Variants in ARB2A observed in about 807,000 individuals in gnomAD.
ARB2A encodes cotranscriptional regulator ARB2A.
chr5:93,957,904 C>CAA, the ARB2A span, among the ~76,000 whole-genome samples: 1 of 151,570 alleles, frequency 6.6e-6, no homozygotes, highest in Non-Finnish European at 1.5e-5. Context: ...TTACTTTTTA[C>CAA]AAAAGTCTTT....
the ARB2A span, among the ~76,000 whole-genome samples, chr5:94,068,889 G>A: frequency 6.8e-6 from 1 of 146,312 alleles, no homozygotes; most frequent in Admixed American, 6.8e-5. Context: ...AAAAAAAGGA[G>A]CCAGGTGTGG....
chr5:93,909,998 T>C, the ARB2A span, among the ~76,000 whole-genome samples: 1 of 150,940 alleles, frequency 6.6e-6, no homozygotes, highest in Non-Finnish European at 1.5e-5. Context: ...AAATCTAACT[T>C]CCTTACTTTT....
chr5:93,786,695 C>A, the ARB2A span, among the ~76,000 whole-genome samples: 3 of 152,124 alleles, frequency 2.0e-5, no homozygotes. Context: ...TTTAGTAGTC[C>A]TGGAACTACT....
At chr5:93,957,004 A>G in the ARB2A span, among the ~76,000 whole-genome samples, 1 of 152,168 alleles carries the variant, frequency 6.6e-6, no homozygotes, top group Admixed American at 6.5e-5. Context: ...CTTCTTTTCA[A>G]GGAATCATGA....
chr5:94,032,974 C>T, the ARB2A span, among the ~76,000 whole-genome samples: 1 of 152,040 alleles, frequency 6.6e-6, no homozygotes, highest in Non-Finnish European at 1.5e-5. Context: ...GGGGGTGGTT[C>T]CCTCCATGCT....
the ARB2A span, among the ~76,000 whole-genome samples, chr5:94,032,433 T>C: frequency 6.6e-6 from 1 of 152,100 alleles, no homozygotes; most frequent in Non-Finnish European, 1.5e-5. Flanking sequence ...CAGCTTACTA[T>C]TGCAAAATAG....
chr5:94,045,249 AGCAGCCCTCAGGGCTGCT>A, the ARB2A span, among the ~76,000 whole-genome samples: 4 of 152,110 alleles, frequency 2.6e-5, no homozygotes, highest in South Asian at 8.3e-4. Flanking sequence ...ATGGGCAACC[AGCAGCCCTCAGGGCTGCT>A]GTGTTTATGG....
the ARB2A span, among the ~76,000 whole-genome samples, chr5:94,013,806 T>A: frequency 6.6e-6 from 1 of 152,046 alleles, no homozygotes; most frequent in Admixed American, 6.5e-5. Context: ...ACCAGCAGTA[T>A]CCCAGAACTC....
At chr5:94,103,257 AC>A in the ARB2A span, among the ~76,000 whole-genome samples, 1 of 152,006 alleles carries the variant, frequency 6.6e-6, no homozygotes, top group Non-Finnish European at 1.5e-5. Flanking sequence ...CTAACTACAT[AC>A]TATCTTCAAC....
the ARB2A span, among the ~76,000 whole-genome samples, chr5:93,810,252 T>C: frequency 6.6e-6 from 1 of 151,532 alleles, no homozygotes; most frequent in Non-Finnish European, 1.5e-5. Flanking sequence ...GTAAATTGAC[T>C]GGTTCTGAGA....
chr5:93,678,754 TAAA>T, the ARB2A span, among the ~76,000 whole-genome samples: 2 of 137,720 alleles, frequency 1.5e-5, no homozygotes, highest in Non-Finnish European at 1.6e-5. Flanking sequence ...AGACTTCGTC[TAAA>T]AAAAAAAAAA....
chr5:93,740,909 G>C, the ARB2A span: 2 of 1,613,940 alleles, frequency 1.2e-6, no homozygotes, highest in Non-Finnish European at 1.7e-6. Flanking sequence ...CCGATTCGTC[G>C]CTCTCTGCTT....
chr5:93,928,709 G>A, the ARB2A span, among the ~76,000 whole-genome samples: 1 of 151,964 alleles, frequency 6.6e-6, no homozygotes, highest in African/African-American at 2.4e-5. Flanking sequence ...TTTCTCTTTT[G>A]TGCCACTGAC....
chr5:93,682,410 C>T, the ARB2A span, among the ~76,000 whole-genome samples: 3 of 151,910 alleles, frequency 2.0e-5, no homozygotes, highest in African/African-American at 7.2e-5. Context: ...GTAAAAAGTC[C>T]CAGTTTTTAG....
At chr5:94,019,242 T>C in the ARB2A span, among the ~76,000 whole-genome samples, 8 of 152,090 alleles carry the variant, frequency 5.3e-5, no homozygotes, top group African/African-American at 1.4e-4. Context: ...ATTCAGGACA[T>C]AGGCATGGGC....
chr5:93,994,442 T>A, the ARB2A span, among the ~76,000 whole-genome samples: 1 of 152,148 alleles, frequency 6.6e-6, no homozygotes, highest in African/African-American at 2.4e-5. Context: ...ATGATTTCAC[T>A]TACATGAGGC....
At chr5:93,773,065 C>T in the ARB2A span, among the ~76,000 whole-genome samples, 4 of 152,226 alleles carry the variant, frequency 2.6e-5, no homozygotes, top group Non-Finnish European at 4.4e-5. Flanking sequence ...TACCCCAATT[C>T]TGGGAATAAA....
the ARB2A span, among the ~76,000 whole-genome samples, chr5:93,680,578 A>G: frequency 2.6e-5 from 4 of 152,146 alleles, no homozygotes; most frequent in Admixed American, 6.5e-5. Flanking sequence ...GGTATGCCAC[A>G]AACTGTTTAG....
At chr5:93,652,618 A>T in the ARB2A span, among the ~76,000 whole-genome samples, 3 of 152,218 alleles carry the variant, frequency 2.0e-5, no homozygotes, top group Admixed American at 2.0e-4. Flanking sequence ...GATGGTATAT[A>T]ACTGGTTGAC....
Sources: allele counts gnomAD v4.1 joint callset (sites outside exome capture counted in the v4.1 genomes callset), GRCh38; gene constraint gnomAD v4.1.1; transcripts MANE v1.5; gene names NCBI Gene and HGNC (gene_info 2026-07-23, HGNC 2026-07-21).